Variants in ABLIM1 observed in about 807,000 individuals in gnomAD.
The protein encoded by ABLIM1 is actin binding LIM protein 1, also known as actin-binding LIM protein 1.
ABLIM1 carries 40 observed loss-of-function variants against 107.0 expected under a neutral mutation model. The ratio of observed to expected loss-of-function variants is 0.37; its 90% CI spans 0.29 to 0.49. The LOEUF (loss-of-function observed/expected upper bound fraction) is 0.49. ABLIM1 is among the 20% of genes least tolerant of loss of function. The pLI, the probability that ABLIM1 is intolerant of heterozygous loss-of-function variation, is 0.97. For synonymous variants in ABLIM1, 357 were observed against 357.3 expected (o/e 1.00, Z 0.01); for missense variants, 857 against 1,008.5 (o/e 0.85, Z 2.04).
chr10:114,783,376 T>G, the ABLIM1 span, among the ~76,000 whole-genome samples: 2 of 151,982 alleles, frequency 1.3e-5, no homozygotes, highest in Non-Finnish European at 2.9e-5. Context: ...TCAGTGAGTT[T>G]GAGATGTCTG....
In ABLIM1 at chr10:114,437,827, T is replaced by A; in HGVS notation, c.2223+17A>T. ...AGGGATCTGCAGTTGGGACTGGATT[T>A]TTCGGTTTTGTTTTACCTCCAGCCT... On this transcript the variant is annotated intron_variant, in intron 22 of 22. Coordinates refer to ENST00000533213, the MANE Select transcript of ABLIM1 (RefSeq NM_002313.7). 2 of 1,611,332 alleles carry A rather than the reference T, an allele frequency of 1.2e-6. No individual in the cohort carries two copies. Among genetic ancestry groups the A allele is most frequent in the East Asian group, 4.5e-5 (2 of 44,866 alleles).
intron 6 of ABLIM1, among the ~76,000 whole-genome samples, chr10:114,495,704 T>A (rs74439041): frequency 0.029 from 4,455 of 152,258 alleles, 193 homozygotes; most frequent in African/African-American, 0.098. Context: ...CTCTTTTACG[T>A]ACTCCATAAA....
chr10:114,694,835 C>CT (rs1295086991), intron 1 of ABLIM1, among the ~76,000 whole-genome samples: 2 of 152,288 alleles, frequency 1.3e-5, no homozygotes, highest in East Asian at 3.9e-4. Context: ...AAAAGTGGAA[C>CT]TTACAGATTG....
chr10:114,455,217 T>A (rs1249492871), intron 12 of ABLIM1, among the ~76,000 whole-genome samples: 1 of 152,224 alleles, frequency 6.6e-6, no homozygotes, highest in African/African-American at 2.4e-5. Flanking sequence ...ATGGGATCTG[T>A]GTCTATTACT....
intron 4 of ABLIM1, among the ~76,000 whole-genome samples, chr10:114,567,961 C>T (rs1043175116): frequency 1.3e-5 from 2 of 151,740 alleles, no homozygotes; most frequent in Admixed American, 1.3e-4. Flanking sequence ...GAGGCCGAGG[C>T]GGGTGGATCA....
intron 1 of ABLIM1, among the ~76,000 whole-genome samples, chr10:114,646,030 G>A (rs1201555333): frequency 6.6e-6 from 1 of 152,162 alleles, no homozygotes; most frequent in Non-Finnish European, 1.5e-5. Flanking sequence ...CTGTACATTC[G>A]AAAGAGATAC....
chr10:114,769,692 A>G (rs2082999704), upstream of ABLIM1, among the ~76,000 whole-genome samples: 1 of 152,256 alleles, frequency 6.6e-6, no homozygotes, highest in South Asian at 2.1e-4. Flanking sequence ...AAATATTAAA[A>G]AATAGGTGAA....
intron 8 of ABLIM1, among the ~76,000 whole-genome samples, chr10:114,475,272 T>C (rs546770262): frequency 7.8e-4 from 119 of 152,306 alleles, no homozygotes; most frequent in African/African-American, 2.7e-3. Context: ...CAATTTTACT[T>C]GGATGATTCT....
intron 1 of ABLIM1, among the ~76,000 whole-genome samples, chr10:114,668,193 C>T (rs1205849901): frequency 3.3e-5 from 5 of 152,094 alleles, no homozygotes; most frequent in African/African-American, 4.8e-5. Context: ...GTCAACTATC[C>T]ATCAGCATTT....
intron 1 of ABLIM1, among the ~76,000 whole-genome samples, chr10:114,621,063 G>C (rs774095816): frequency 3.3e-5 from 5 of 152,128 alleles, no homozygotes; most frequent in Non-Finnish European, 7.4e-5. Context: ...ATGCTAAACT[G>C]AGCTGCTTGC....
At chr10:114,564,563 G>T (rs1037471603) in intron 4 of ABLIM1, among the ~76,000 whole-genome samples, 1 of 151,898 alleles carries the variant, frequency 6.6e-6, no homozygotes, top group Non-Finnish European at 1.5e-5. Context: ...GAGCCACTGC[G>T]CCCAGCATCC....
At chr10:114,693,398 G>A (rs191383172) in intron 1 of ABLIM1, among the ~76,000 whole-genome samples, 1 of 152,238 alleles carries the variant, frequency 6.6e-6, no homozygotes, top group Non-Finnish European at 1.5e-5. Context: ...TACAGCAAGT[G>A]AGAGAATGAG....
intron 14 of ABLIM1, chr10:114,450,175 C>A: frequency 6.3e-6 from 2 of 317,520 alleles, no homozygotes; most frequent in South Asian, 2.7e-5. Context: ...GTTAAACATT[C>A]ACATGTTAAT....
At chr10:114,606,382 C>A (rs1456569074) in intron 1 of ABLIM1, among the ~76,000 whole-genome samples, 3 of 152,022 alleles carry the variant, frequency 2.0e-5, no homozygotes, top group Non-Finnish European at 4.4e-5. Context: ...ACTATAGGCG[C>A]ACACCTCCAT....
rs762685107 is a variant in ABLIM1, at chr10:114,436,344, T to A, written c.2253A>T (p.Glu751Asp). 3 of 1,613,992 alleles carry A rather than the reference T, an allele frequency of 1.9e-6. No individual in the cohort carries two copies. In the South Asian group the frequency reaches 3.3e-5, roughly 18 times the overall value. The change falls in exon 23 of 23, where the codon GAA becomes GAT. Residue 751 changes from glutamate (E) to aspartate (D), a missense_variant. This residue lies in a region of ABLIM1 where 193 missense variants were observed against 208.5 expected (regional missense o/e 0.93). Transcript: ENST00000533213. ...ACTCCTGTATGGACATTCCAAAGAT[T>A]TCCCGAAACACTTCAGGGGCTAAGT... Reference protein sequence around the residue: ...ERHLAPEVFREIFGMSIQEFD... With the variant: ...ERHLAPEVFRDIFGMSIQEFD...
intron 6 of ABLIM1, 75 bp downstream of exon 6, chr10:114,544,930 G>A (rs923072058): frequency 9.7e-6 from 13 of 1,339,330 alleles, no homozygotes; most frequent in Admixed American, 5.0e-5. Context: ...GGTGGGAAAG[G>A]GTCCCCTCTT....
intron 1 of ABLIM1, among the ~76,000 whole-genome samples, chr10:114,713,428 A>G (rs1391032826): frequency 2.0e-5 from 3 of 152,194 alleles, no homozygotes; most frequent in African/African-American, 7.2e-5. Context: ...AAGATCCAAC[A>G]ATAAACTATA....
rs574831997 is a variant in ABLIM1, at chr10:114,539,290, G to T, written c.894+5715C>A. ...GGCGAATCACTTGAACCCAGGAGGTGGGGGGTGCAGTGAGCTGAGATCATA... is the reference window on the plus strand; with the variant it reads ...GGCGAATCACTTGAACCCAGGAGGTTGGGGGTGCAGTGAGCTGAGATCATA... On this transcript the variant is annotated intron_variant, in intron 6 of 22. Transcript: ENST00000533213. 3.3e-5 allele frequency among the ~76,000 whole-genome samples: 5 copies of T among 150,070 alleles called. No homozygotes were observed. In the East Asian group the frequency reaches 9.7e-4, roughly 29 times the overall value.
the ABLIM1 span, among the ~76,000 whole-genome samples, chr10:114,776,925 T>A: frequency 3.5e-3 from 530 of 150,758 alleles, 2 homozygotes; most frequent in African/African-American, 0.013. Context: ...GCCTAAAATG[T>A]TTTTTAATTT....
Sources: gnomAD v4.1 joint callset for allele counts (sites outside exome capture counted in the v4.1 genomes callset) on GRCh38, gnomAD v4.1.1 for gene constraint, gnomAD v4.1.1 regional missense constraint, MANE v1.5 for transcripts, NCBI Gene and HGNC (gene_info 2026-07-23, HGNC 2026-07-21) for gene names.